CHRNA7: variants seen among roughly 807,000 people sequenced by gnomAD.
The protein encoded by CHRNA7 is cholinergic receptor nicotinic alpha 7 subunit.
Under a neutral mutation model 48.0 loss-of-function variants are expected in CHRNA7, and 17 were observed. The observed-to-expected ratio is 0.35, with a 90% CI of 0.24 to 0.53. The LOEUF (loss-of-function observed/expected upper bound fraction) is 0.53. Ranked by LOEUF, CHRNA7 falls within the 20% of genes least tolerant of loss-of-function variation. The pLI is 0.92. For synonymous variants in CHRNA7, 75 were observed against 242.3 expected, an observed-to-expected ratio of 0.31 and a Z score of 6.41; for missense variants, 155 against 577.7, an observed-to-expected ratio of 0.27 and a Z score of 7.50.
chr15:32,137,882 G>T (rs1314944222), intron 4 of CHRNA7, among the ~76,000 whole-genome samples: 1 of 152,132 alleles, frequency 6.6e-6, no homozygotes, highest in Non-Finnish European at 1.5e-5. Flanking sequence ...GTCCTCCTCA[G>T]TATTTACCCA....
chr15:32,152,183 C>G (rs2051643445), intron 4 of CHRNA7, among the ~76,000 whole-genome samples: 1 of 150,954 alleles, frequency 6.6e-6, no homozygotes, highest in Non-Finnish European at 1.5e-5. Flanking sequence ...GGTGGCTCAG[C>G]CTGTAATCCT....
chr15:32,114,077 CACAT>C (rs1183588458), intron 4 of CHRNA7, among the ~76,000 whole-genome samples: 2 of 93,828 alleles, frequency 2.1e-5, no homozygotes, highest in African/African-American at 9.2e-5. Context: ...TATATATATA[CACAT>C]ACATACATAC....
In CHRNA7 at chr15:32,145,807, T is replaced by C. The variant is rs537259748; in HGVS notation, c.351-8100T>C. Among the ~76,000 whole-genome samples, 106 of 152,264 alleles carry C rather than the reference T, an allele frequency of 7.0e-4. 3 individuals carry two copies. The South Asian group carries it at 0.021, about 30-fold the overall frequency. On this transcript the variant is annotated intron_variant, in intron 4 of 9. Coordinates refer to ENST00000306901, the MANE Select transcript of CHRNA7 (RefSeq NM_000746.6). ...CAGTATTTGGGCGGGAGTGTACTGTTTTTCCAGGTACAGTCTGTCACAGCT... is the reference window on the plus strand; with the variant it reads ...CAGTATTTGGGCGGGAGTGTACTGTCTTTCCAGGTACAGTCTGTCACAGCT...
intron 2 of CHRNA7, among the ~76,000 whole-genome samples, chr15:32,076,707 ATC>A (rs2050141077): frequency 1.3e-5 from 2 of 152,142 alleles, no homozygotes; most frequent in Admixed American, 1.3e-4. Flanking sequence ...CACATGCATA[ATC>A]TCTCTCATTA....
chr15:32,152,470 AGG>A (rs1345332967), intron 4 of CHRNA7, among the ~76,000 whole-genome samples: 1 of 152,166 alleles, frequency 6.6e-6, no homozygotes, highest in African/African-American at 2.4e-5. Context: ...TAGCACATGC[AGG>A]GACACAGGGA....
chr15:32,112,668 G>A (rs1040660455), intron 4 of CHRNA7, among the ~76,000 whole-genome samples: 2 of 152,134 alleles, frequency 1.3e-5, no homozygotes, highest in Non-Finnish European at 2.9e-5. Context: ...AATCATGACC[G>A]CTACCTTTGG....
At chr15:32,099,145 T>C (rs981317379) in intron 2 of CHRNA7, 4 of 152,084 alleles carry the variant, frequency 2.6e-5, no homozygotes. Context: ...GAAAGTCCGG[T>C]GTGAAGATGA....
chr15:32,033,884 G>T (rs1901962128), intron 2 of CHRNA7, among the ~76,000 whole-genome samples: 1 of 152,200 alleles, frequency 6.6e-6, no homozygotes, highest in Non-Finnish European at 1.5e-5. Flanking sequence ...CCTGACTGGA[G>T]TGATAGGAAG....
At chr15:32,104,929 A>G (rs774541674) in intron 3 of CHRNA7, among the ~76,000 whole-genome samples, 2 of 152,180 alleles carry the variant, frequency 1.3e-5, no homozygotes, top group Non-Finnish European at 2.9e-5. Flanking sequence ...CCTGGTGCCT[A>G]TCTTCCTTAG....
At chr15:32,074,713 G>A (rs2050110323) in intron 2 of CHRNA7, among the ~76,000 whole-genome samples, 1 of 151,436 alleles carries the variant, frequency 6.6e-6, no homozygotes, top group Non-Finnish European at 1.5e-5. Context: ...GGAGTGCAGT[G>A]GCATGATCTC....
At chr15:32,048,802 C>T (rs1477153365) in intron 2 of CHRNA7, among the ~76,000 whole-genome samples, 1 of 151,798 alleles carries the variant, frequency 6.6e-6, no homozygotes, top group African/African-American at 2.4e-5. Flanking sequence ...CTCTTGTGGG[C>T]ATTTAGTGCT....
chr15:32,050,203 A>G (rs1230008540), intron 2 of CHRNA7, among the ~76,000 whole-genome samples: 1 of 152,070 alleles, frequency 6.6e-6, no homozygotes, highest in Non-Finnish European at 1.5e-5. Flanking sequence ...GCCTTGCTAG[A>G]TTGGGGAAGT....
chr15:32,048,892 A>C (rs2049609102), intron 2 of CHRNA7, among the ~76,000 whole-genome samples: 1 of 151,812 alleles, frequency 6.6e-6, no homozygotes, highest in Non-Finnish European at 1.5e-5. Context: ...TTGGTTTCAA[A>C]GAACATCTTT....
intron 2 of CHRNA7, among the ~76,000 whole-genome samples, chr15:32,065,017 A>C (rs1237189332): frequency 6.6e-6 from 1 of 152,228 alleles, no homozygotes; most frequent in African/African-American, 2.4e-5. Flanking sequence ...TATTTCCTCC[A>C]TAAAATCAGA....
intron 2 of CHRNA7, among the ~76,000 whole-genome samples, chr15:32,059,852 G>A (rs1354792622): frequency 6.9e-6 from 1 of 144,676 alleles, no homozygotes; most frequent in East Asian, 2.1e-4. Context: ...GGAAAAAAAG[G>A]CTATTTAGGA....
At chr15:32,156,305 T>A (rs1316946525) in intron 5 of CHRNA7, 23 of 81,384 alleles carry the variant, frequency 2.8e-4, no homozygotes, top group Middle Eastern at 6.4e-3. Context: ...GGGGATTGTC[T>A]GTGATGATTC....
chr15:32,110,573 G>A (rs1419245851), intron 3 of CHRNA7, among the ~76,000 whole-genome samples: 2 of 152,196 alleles, frequency 1.3e-5, no homozygotes, highest in Non-Finnish European at 2.9e-5. Flanking sequence ...GCCCTCCTCA[G>A]AGAATGGTTG....
chr15:32,137,565 G>GA (rs932318650), intron 4 of CHRNA7, among the ~76,000 whole-genome samples: 5 of 151,566 alleles, frequency 3.3e-5, no homozygotes, highest in African/African-American at 4.8e-5. Flanking sequence ...GTAACAAGGG[G>GA]AAAAAAAATG....
At chr15:32,139,041 A>C (rs1247805262) in intron 4 of CHRNA7, among the ~76,000 whole-genome samples, 4 of 152,208 alleles carry the variant, frequency 2.6e-5, no homozygotes, top group Non-Finnish European at 5.9e-5. Context: ...GGCGTGAGCC[A>C]CTGCGCCCGG....
Sources: allele counts gnomAD v4.1 joint callset (sites outside exome capture counted in the v4.1 genomes callset), GRCh38; gene constraint gnomAD v4.1.1; transcripts MANE v1.5; gene names NCBI Gene and HGNC (gene_info 2026-07-23, HGNC 2026-07-21).